The following DIP2C variants were observed in gnomAD, a reference collection of about 807,000 sequenced individuals.
DIP2C encodes the protein disco-interacting protein 2 homolog C.
Under a neutral mutation model 192.4 loss-of-function variants are expected in DIP2C, and 33 were observed. The ratio of observed to expected loss-of-function variants is 0.17; its 90% CI spans 0.13 to 0.23. The LOEUF is 0.23. Ranked by LOEUF, DIP2C falls within the 10% of genes least tolerant of loss-of-function variation. DIP2C has a pLI of 1.00. For synonymous variants in DIP2C, 979 were observed against 864.1 expected, an observed-to-expected ratio of 1.13 and a Z score of -2.33; for missense variants, 1,537 against 2,110.1, an observed-to-expected ratio of 0.73 and a Z score of 5.32.
At chr10:530,488 T>A (rs1847300507) in intron 1 of DIP2C, among the ~76,000 whole-genome samples, 1 of 150,290 alleles carries the variant, frequency 6.7e-6, no homozygotes, top group Non-Finnish European at 1.5e-5. Context: ...CTTGAGGGGG[T>A]GAGAGGAGTA....
chr10:449,459 AC>A (rs1308849927), intron 3 of DIP2C, among the ~76,000 whole-genome samples: 1 of 152,108 alleles, frequency 6.6e-6, no homozygotes, highest in Non-Finnish European at 1.5e-5. Flanking sequence ...GGCCAAAGTC[AC>A]GGTACTTTCC....
intron 3 of DIP2C, among the ~76,000 whole-genome samples, chr10:447,053 C>T (rs1188311655): frequency 1.3e-5 from 2 of 152,176 alleles, no homozygotes; most frequent in Admixed American, 6.5e-5. Flanking sequence ...ATTTTTGTCT[C>T]GCATGCAAAC....
intron 1 of DIP2C, among the ~76,000 whole-genome samples, chr10:678,737 GCGCCCATCTC>G (rs1830976224): frequency 5.7e-5 from 1 of 17,420 alleles, no homozygotes; most frequent in African/African-American, 1.3e-4. Context: ...CGTGCTCCCC[GCGCCCATCTC>G]TGCTCCCCAT....
intron 4 of DIP2C, among the ~76,000 whole-genome samples, chr10:429,868 A>T (rs1363989763): frequency 6.6e-6 from 1 of 152,092 alleles, no homozygotes; most frequent in Non-Finnish European, 1.5e-5. Flanking sequence ...TTGTATGTAG[A>T]CGTAAGTTTT....
intron 1 of DIP2C, among the ~76,000 whole-genome samples, chr10:688,282 A>G (rs557510243): frequency 3.7e-4 from 56 of 152,118 alleles, no homozygotes; most frequent in Admixed American, 1.4e-3. Context: ...ACACTGACAC[A>G]CCTCGCGGAA....
chr10:575,866 G>A (rs1850117135), intron 1 of DIP2C, among the ~76,000 whole-genome samples: 1 of 152,186 alleles, frequency 6.6e-6, no homozygotes, highest in Non-Finnish European at 1.5e-5. Flanking sequence ...GTGCAACAAT[G>A]AGAAACAATC....
chr10:494,022 A>G (rs1168953615), intron 1 of DIP2C, among the ~76,000 whole-genome samples: 1 of 152,210 alleles, frequency 6.6e-6, no homozygotes, highest in East Asian at 1.9e-4. Context: ...TGGAATAAAC[A>G]AAATCCACGT....
At chr10:501,126 A>AT (rs2130707349) in intron 1 of DIP2C, among the ~76,000 whole-genome samples, 1 of 152,320 alleles carries the variant, frequency 6.6e-6, no homozygotes, top group African/African-American at 2.4e-5. Flanking sequence ...CTGTGCACTA[A>AT]TTCACATTGT....
At chr10:614,351 C>G (rs1853300370) in intron 1 of DIP2C, among the ~76,000 whole-genome samples, 1 of 152,240 alleles carries the variant, frequency 6.6e-6, no homozygotes, top group South Asian at 2.1e-4. Context: ...CACCCCAGCC[C>G]CCGCCAGGCC....
At chr10:404,102 GTAGCAT>G (rs1964623859) in intron 9 of DIP2C, among the ~76,000 whole-genome samples, 2 of 152,020 alleles carry the variant, frequency 1.3e-5, no homozygotes, top group South Asian at 2.1e-4. Context: ...TACATGTGTG[GTAGCAT>G]TAGCATTACT....
intron 19 of DIP2C, 81 bp from the exon 20 acceptor site, chr10:364,663 C>G (rs911255993): frequency 1.3e-5 from 19 of 1,465,640 alleles, no homozygotes; most frequent in Non-Finnish European, 1.8e-5. Context: ...GGGAGCACGG[C>G]ACCTGCTTTG....
At chr10:488,962 G>A (rs1844225837) in intron 1 of DIP2C, among the ~76,000 whole-genome samples, 2 of 152,186 alleles carry the variant, frequency 1.3e-5, no homozygotes. Flanking sequence ...GGCTGGGAGT[G>A]CGCTGAAGAC....
rs147713731 is a variant in DIP2C at position 337,877 on chromosome 10, G to C, written c.3584+3322C>G. Among the ~76,000 whole-genome samples the C allele has an allele frequency of 1.6e-3, 229 of 144,494 alleles. 3 individuals are homozygous for C. The highest frequency in any genetic ancestry group is 5.7e-3 in the African/African-American group (222 of 38,766). 94.8% of individuals were successfully genotyped at this position (144,494 alleles called of 152,430 possible). On this transcript the variant is annotated intron_variant, in intron 29 of 36. Coordinates refer to ENST00000280886, the MANE Select transcript of DIP2C (RefSeq NM_014974.3). ...TTGATGTGTGTGCACGTGTGTTGTA[G>C]AGGCCTAGGAAGCTGTGTGTGTGTG...
intron 17 of DIP2C, among the ~76,000 whole-genome samples, chr10:378,856 T>C (rs1184571338): frequency 1.3e-5 from 2 of 151,526 alleles, no homozygotes; most frequent in East Asian, 2.0e-4. Context: ...CATAGACACA[T>C]GTGAACAGAC....
intron 1 of DIP2C, among the ~76,000 whole-genome samples, chr10:557,075 T>A (rs1484473078): frequency 6.6e-6 from 1 of 152,246 alleles, no homozygotes; most frequent in East Asian, 1.9e-4. Flanking sequence ...CTGGTCAGTG[T>A]GGCCCACGGG....
At chr10:547,379 C>G (rs1848339289) in intron 1 of DIP2C, among the ~76,000 whole-genome samples, 1 of 152,168 alleles carries the variant, frequency 6.6e-6, no homozygotes, top group Non-Finnish European at 1.5e-5. Context: ...GTAACAGGGC[C>G]ACAGCCAGCT....
At chr10:383,259 T>C (rs1011114072) in intron 16 of DIP2C, among the ~76,000 whole-genome samples, 2 of 152,260 alleles carry the variant, frequency 1.3e-5, no homozygotes, top group Non-Finnish European at 2.9e-5. Context: ...TGAAATTCTA[T>C]AAGTGAAGAC....
chr10:640,942 A>T (rs948364503), intron 1 of DIP2C, among the ~76,000 whole-genome samples: 5 of 152,060 alleles, frequency 3.3e-5, no homozygotes, highest in Non-Finnish European at 7.4e-5. Context: ...TGCTCATCGG[A>T]CTGGGCACAC....
rs187534610 is a variant in DIP2C at position 559,522 on chromosome 10, A to G, written c.86-72992T>C. Among the ~76,000 whole-genome samples, 924 of 152,306 alleles carry G rather than the reference A, an allele frequency of 6.1e-3. 11 individuals are homozygous for G. The highest frequency in any genetic ancestry group is 0.021 in the African/African-American group (871 of 41,554). On this transcript the variant is annotated intron_variant, in intron 1 of 36. Coordinates refer to ENST00000280886, the MANE Select transcript of DIP2C (RefSeq NM_014974.3). ...ACCTTCCCTCATGTTAAAATCAACA[A>G]CTATATATGGCTGCTGACAGCACCT...
Sources: allele counts gnomAD v4.1 joint callset (sites outside exome capture counted in the v4.1 genomes callset), GRCh38; gene constraint gnomAD v4.1.1; transcripts MANE v1.5; gene names NCBI Gene and HGNC (gene_info 2026-07-23, HGNC 2026-07-21).